SLC24A2: variants seen among roughly 807,000 people sequenced by gnomAD.
The protein encoded by SLC24A2 is solute carrier family 24 member 2, also known as sodium/potassium/calcium exchanger 2.
SLC24A2 carries 36 observed loss-of-function variants against 62.0 expected under a neutral mutation model. The observed-to-expected ratio is 0.58, with a 90% CI of 0.44 to 0.77. SLC24A2 has a LOEUF of 0.77. Among genes scored for constraint, SLC24A2 ranks in the 30% least tolerant of loss-of-function variants. SLC24A2 has a pLI of 0.00. For missense variants in SLC24A2, 846 were observed against 817.9 expected (o/e 1.03, Z -0.42); for synonymous variants, 358 against 294.0 (o/e 1.22, Z -2.23).
At chr9:19,980,824 A>T in the SLC24A2 span, among the ~76,000 whole-genome samples, 1 of 152,138 alleles carries the variant, frequency 6.6e-6, no homozygotes, top group Non-Finnish European at 1.5e-5. Context: ...TAACATGTAC[A>T]TTCCTAGCAT....
At chr9:19,962,657 CTCTG>C in the SLC24A2 span, among the ~76,000 whole-genome samples, 1 of 152,190 alleles carries the variant, frequency 6.6e-6, no homozygotes, top group South Asian at 2.1e-4. Flanking sequence ...TGATTTGGCT[CTCTG>C]TCTGTTATTG....
At chr9:19,836,584 G>C in the SLC24A2 span, among the ~76,000 whole-genome samples, 3 of 152,086 alleles carry the variant, frequency 2.0e-5, no homozygotes, top group South Asian at 6.2e-4. Context: ...AGGCAATAAT[G>C]AATAGCTTAC....
the SLC24A2 span, among the ~76,000 whole-genome samples, chr9:20,082,429 G>T: frequency 6.6e-6 from 1 of 152,166 alleles, no homozygotes; most frequent in Non-Finnish European, 1.5e-5. Flanking sequence ...ATGTCTATTT[G>T]CAGAGTTCTG....
the SLC24A2 span, among the ~76,000 whole-genome samples, chr9:19,976,941 T>A: frequency 6.6e-6 from 1 of 151,918 alleles, no homozygotes; most frequent in Non-Finnish European, 1.5e-5. Context: ...AAAAAGAAAA[T>A]AAACATAGTG....
chr9:20,188,818 G>T, the SLC24A2 span, among the ~76,000 whole-genome samples: 1 of 152,194 alleles, frequency 6.6e-6, no homozygotes, highest in Admixed American at 6.5e-5. Context: ...CTGGCACATG[G>T]ATTGTAGCCC....
the SLC24A2 span, among the ~76,000 whole-genome samples, chr9:19,851,085 G>A: frequency 3.6e-5 from 5 of 138,488 alleles, no homozygotes; most frequent in African/African-American, 8.1e-5. Context: ...GTGCAATGGC[G>A]TGATCTCGGC....
intron 7 of SLC24A2, among the ~76,000 whole-genome samples, chr9:19,561,347 A>T (rs6475351): frequency 0.12 from 17,886 of 151,840 alleles, 1,137 homozygotes; most frequent in African/African-American, 0.17. Flanking sequence ...CGTGTTTCTT[A>T]TTGGAAGGCA....
chr9:20,086,663 T>C, the SLC24A2 span, among the ~76,000 whole-genome samples: 1 of 152,250 alleles, frequency 6.6e-6, no homozygotes, highest in African/African-American at 2.4e-5. Context: ...TGTATCTATT[T>C]CTAGGTCACT....
At chr9:19,575,591 A>G (rs917612087) in intron 6 of SLC24A2, among the ~76,000 whole-genome samples, 3 of 152,244 alleles carry the variant, frequency 2.0e-5, no homozygotes, top group Non-Finnish European at 4.4e-5. Flanking sequence ...AGCTAGTTAC[A>G]AAGTCATTCA....
the SLC24A2 span, among the ~76,000 whole-genome samples, chr9:20,040,586 C>T: frequency 1.3e-5 from 2 of 152,202 alleles, no homozygotes; most frequent in East Asian, 3.9e-4. Context: ...ATCTGAGTTC[C>T]CATTGGCTCT....
At chr9:19,517,338 T>C (rs1832981386) in intron 10 of SLC24A2, among the ~76,000 whole-genome samples, 1 of 152,218 alleles carries the variant, frequency 6.6e-6, no homozygotes, top group Non-Finnish European at 1.5e-5. Context: ...CTGAGCTTTC[T>C]GAATGACAAA....
chr9:20,278,345 A>G, the SLC24A2 span, among the ~76,000 whole-genome samples: 1 of 152,196 alleles, frequency 6.6e-6, no homozygotes, highest in Non-Finnish European at 1.5e-5. Context: ...TATAAGTTCC[A>G]ACTCCAGACC....
At chr9:20,222,138 T>C in the SLC24A2 span, among the ~76,000 whole-genome samples, 1 of 151,910 alleles carries the variant, frequency 6.6e-6, no homozygotes, top group African/African-American at 2.4e-5. Context: ...GAAATAATGG[T>C]AGAAAATGTA....
At chr9:19,910,890 T>TG in the SLC24A2 span, among the ~76,000 whole-genome samples, 5 of 32,482 alleles carry the variant, frequency 1.5e-4, no homozygotes, top group African/African-American at 2.7e-4. Flanking sequence ...GAGGTCCTTT[T>TG]TTTTTTCTTT....
chr9:20,217,155 C>A, the SLC24A2 span, among the ~76,000 whole-genome samples: 489 of 152,258 alleles, frequency 3.2e-3, 8 homozygotes, highest in African/African-American at 0.011. Context: ...AAAATCTGTA[C>A]CTACACTCAA....
At chr9:20,155,778 GTTTAAT>G in the SLC24A2 span, among the ~76,000 whole-genome samples, 3 of 151,770 alleles carry the variant, frequency 2.0e-5, no homozygotes, top group South Asian at 6.2e-4. Context: ...ATTCATCATA[GTTTAAT>G]TTTAAGTAAA....
intron 5 of SLC24A2, among the ~76,000 whole-genome samples, chr9:19,592,485 CCTACCTACCCACCTACCTACCT>C (rs1836583551): frequency 1.4e-4 from 2 of 13,866 alleles, no homozygotes; most frequent in South Asian, 3.4e-3. Flanking sequence ...GACCTACCTA[CCTACCTACCCACCTACCTACCT>C]ACCTACCTAC....
chr9:19,847,576 T>C, the SLC24A2 span, among the ~76,000 whole-genome samples: 1 of 152,156 alleles, frequency 6.6e-6, no homozygotes, highest in Non-Finnish European at 1.5e-5. Context: ...TTATGGAAAG[T>C]AGGAAAAATA....
the SLC24A2 span, among the ~76,000 whole-genome samples, chr9:20,115,053 G>C: frequency 6.6e-6 from 1 of 152,140 alleles, no homozygotes; most frequent in Non-Finnish European, 1.5e-5. Flanking sequence ...GGAAATTTTA[G>C]AGGAAGAATC....
Sources: allele counts gnomAD v4.1 joint callset (sites outside exome capture counted in the v4.1 genomes callset), GRCh38; gene constraint gnomAD v4.1.1; transcripts MANE v1.5; gene names NCBI Gene and HGNC (gene_info 2026-07-23, HGNC 2026-07-21).